The following THSD4 variants were observed in gnomAD, a reference collection of about 807,000 sequenced individuals.
THSD4 encodes thrombospondin type 1 domain containing 4.
THSD4 carries 69 observed loss-of-function variants against 119.0 expected under a neutral mutation model. The observed-to-expected ratio is 0.58, with a 90% CI of 0.48 to 0.71. The LOEUF is 0.71. Among genes scored for constraint, THSD4 ranks in the 30% least tolerant of loss-of-function variants. THSD4 has a pLI of 0.00. For synonymous variants in THSD4, 524 were observed against 540.4 expected, an observed-to-expected ratio of 0.97 and a Z score of 0.42; for missense variants, 1,393 against 1,391.1, an observed-to-expected ratio of 1.00 and a Z score of -0.02.
At chr15:71,559,356 C>T (rs2049074857) in intron 7 of THSD4, among the ~76,000 whole-genome samples, 1 of 152,148 alleles carries the variant, frequency 6.6e-6, no homozygotes, top group Non-Finnish European at 1.5e-5. Flanking sequence ...GCTGTGGTTT[C>T]TTGCCAACAT....
chr15:71,487,646 T>C (rs1311540164), intron 7 of THSD4, among the ~76,000 whole-genome samples: 1 of 152,250 alleles, frequency 6.6e-6, no homozygotes, highest in Non-Finnish European at 1.5e-5. Flanking sequence ...CAAAGTAAGA[T>C]CATGTTAAAT....
intron 1 of THSD4, among the ~76,000 whole-genome samples, chr15:71,138,871 T>G (rs2040575389): frequency 6.7e-6 from 1 of 149,800 alleles, no homozygotes; most frequent in Non-Finnish European, 1.5e-5. Flanking sequence ...GGTGTGTGTG[T>G]GTGTGAGTGT....
Position 71,765,127 on chromosome 15 carries a change from G to A in THSD4, c.2697G>A (p.Glu899=), listed in dbSNP as rs779284268. 1 of 1,614,206 alleles carries A rather than the reference G, an allele frequency of 6.2e-7. No individual in the cohort carries two copies. Among genetic ancestry groups the A allele is most frequent in the Non-Finnish European group, 8.5e-7 (1 of 1,180,030 alleles). ...ACCCCTCTGAATGTTCTTTCCTGGA[G>A]AAACCCCCCAGCCAGCAATCCTGCC... is the stretch of plus-strand genomic sequence containing the variant. ...VLDPSECSFL[E]KPPSQQSCHL... Residue 899 remains glutamate, a synonymous_variant, in exon 16 of 18, where the codon GAG becomes GAA. Transcript: ENST00000261862.
At chr15:71,587,739 A>C (rs1323621491) in intron 7 of THSD4, among the ~76,000 whole-genome samples, 1 of 136,412 alleles carries the variant, frequency 7.3e-6, no homozygotes, top group Non-Finnish European at 1.6e-5. Context: ...TAACCTGCAC[A>C]ATGTGCACAT....
intron 11 of THSD4, 80 bp downstream of exon 11, chr15:71,738,087 C>T (rs768482908): frequency 1.5e-5 from 23 of 1,543,524 alleles, no homozygotes; most frequent in Middle Eastern, 3.4e-4. Context: ...CAGCGGTCCC[C>T]GGCTTTTTTG....
chr15:71,474,791 A>G (rs1220605888), intron 7 of THSD4, among the ~76,000 whole-genome samples: 1 of 152,134 alleles, frequency 6.6e-6, no homozygotes, highest in Non-Finnish European at 1.5e-5. Context: ...TTGCAAGGAC[A>G]TCTTAGGTTG....
At chr15:71,265,820 A>T (rs2044459071) in intron 6 of THSD4, among the ~76,000 whole-genome samples, 1 of 152,112 alleles carries the variant, frequency 6.6e-6, no homozygotes, top group Non-Finnish European at 1.5e-5. Flanking sequence ...TTTTCCCCTC[A>T]CAATGTAAAC....
intron 4 of THSD4, among the ~76,000 whole-genome samples, chr15:71,236,887 G>A (rs1394831406): frequency 6.6e-6 from 1 of 152,180 alleles, no homozygotes; most frequent in African/African-American, 2.4e-5. Flanking sequence ...GGGTTGGAGG[G>A]CGGTTTGGAC....
At chr15:71,558,180 T>C (rs1346710564) in intron 7 of THSD4, among the ~76,000 whole-genome samples, 1 of 152,054 alleles carries the variant, frequency 6.6e-6, no homozygotes, top group Non-Finnish European at 1.5e-5. Flanking sequence ...ATACAAAAAT[T>C]AACCAGGCAT....
intron 1 of THSD4, among the ~76,000 whole-genome samples, chr15:71,105,018 T>G (rs2040268483): frequency 6.6e-6 from 1 of 152,128 alleles, no homozygotes; most frequent in Non-Finnish European, 1.5e-5. Context: ...TGGTGGTCAG[T>G]TGTGCCTAAA....
chr15:71,748,752 T>C (rs2053390000), intron 14 of THSD4, among the ~76,000 whole-genome samples, 158 bp downstream of exon 14: 2 of 152,190 alleles, frequency 1.3e-5, no homozygotes, highest in Non-Finnish European at 1.5e-5. Flanking sequence ...CTTTCTATCC[T>C]TATGTGAGGA....
intron 7 of THSD4, among the ~76,000 whole-genome samples, chr15:71,609,487 G>T (rs2050178061): frequency 6.6e-6 from 1 of 152,150 alleles, no homozygotes; most frequent in South Asian, 2.1e-4. Context: ...TAGCCACATT[G>T]ATCTGCTCTC....
Position 71,215,161 on chromosome 15 carries a change from C to A in THSD4, c.226C>A (p.Gln76Lys), listed in dbSNP as rs1319888090. 2.2e-6 allele frequency: 3 copies of A among 1,377,556 alleles called. No individual in the cohort carries two copies. Among genetic ancestry groups the A allele is most frequent in the South Asian group, 1.6e-5 (1 of 62,562 alleles). The allele number at this position is 1,377,556 out of a possible 1,614,324, so 85.3% of individuals were successfully genotyped here. A position where few individuals can be genotyped will look rare whatever the true frequency, so the allele number is the denominator to read the frequency against. ...SRSCSGGVME[Q>K]TRPCLPRSYR... ...TAGCTGCAGCGGCGGCGTGATGGAG[C>A]AGACGCGGCCCTGCCTGCCCCGCTC... Residue 76 changes from glutamine to lysine, a missense_variant, in exon 4 of 18, where the codon CAG (glutamine) becomes AAG (lysine). Coordinates refer to ENST00000261862, the MANE Select transcript of THSD4 (RefSeq NM_024817.3).
intron 1 of THSD4, among the ~76,000 whole-genome samples, chr15:71,105,869 A>C (rs2040272405): frequency 6.6e-6 from 1 of 152,080 alleles, no homozygotes. Context: ...CTCTTATATT[A>C]ATAGAGAAAA....
intron 7 of THSD4, among the ~76,000 whole-genome samples, chr15:71,619,043 C>T (rs755025610): frequency 1.3e-5 from 2 of 151,532 alleles, no homozygotes; most frequent in South Asian, 2.1e-4. Flanking sequence ...AATCTTGGCT[C>T]ACTGCAACCT....
intron 1 of THSD4, among the ~76,000 whole-genome samples, chr15:71,105,080 C>A (rs1337984979): frequency 1.3e-5 from 2 of 152,094 alleles, no homozygotes; most frequent in African/African-American, 4.8e-5. Flanking sequence ...CTGGGAATTC[C>A]ATTTTTAAGG....
chr15:71,343,522 C>T lies in THSD4; in HGVS notation c.1016-68165C>T, dbSNP rs574258921. ...AGGGTGAATCCTCACTTTCCTCTTC[C>T]AGCTTTTGGTGGCACCCAGCAATCA... is the stretch of plus-strand genomic sequence containing the variant. On this transcript the variant is annotated intron_variant, in intron 6 of 17. Transcript: ENST00000261862. 5.3e-5 allele frequency among the ~76,000 whole-genome samples: 8 copies of T among 152,196 alleles called. No homozygotes were observed. In the East Asian group the frequency reaches 9.7e-4, roughly 18 times the overall value.
At chr15:71,676,550 G>A (rs1224773287) in intron 8 of THSD4, among the ~76,000 whole-genome samples, 1 of 152,122 alleles carries the variant, frequency 6.6e-6, no homozygotes, top group African/African-American at 2.4e-5. Flanking sequence ...AAAGTGCTGG[G>A]ATTACAGGTG....
chr15:71,331,448 AT>A (rs1189694165), intron 6 of THSD4, among the ~76,000 whole-genome samples: 1 of 152,178 alleles, frequency 6.6e-6, no homozygotes, highest in Non-Finnish European at 1.5e-5. Flanking sequence ...CCCAGAACAG[AT>A]TAACTTTTAT....
Sources: allele counts gnomAD v4.1 joint callset (sites outside exome capture counted in the v4.1 genomes callset), GRCh38; gene constraint gnomAD v4.1.1; transcripts MANE v1.5; gene names NCBI Gene and HGNC (gene_info 2026-07-23, HGNC 2026-07-21).